EEF1E1: variants seen among roughly 807,000 people sequenced by gnomAD.
EEF1E1 encodes the protein eukaryotic translation elongation factor 1 epsilon 1, also known as eukaryotic translation elongation factor 1 epsilon-1.
In EEF1E1, 19 loss-of-function variants were observed where a neutral mutation model predicts 19.9. That is an observed-to-expected ratio of 0.95 (90% CI 0.66 to 1.40). EEF1E1 has a LOEUF of 1.40. EEF1E1 is among the 40% of genes most tolerant of loss of function. EEF1E1 has a pLI of 0.00. For missense variants in EEF1E1, 198 were observed against 202.2 expected (o/e 0.98, Z 0.13); for synonymous variants, 81 against 80.0 (o/e 1.01, Z -0.07).
Position 8,097,344 on chromosome 6 carries a change from C to T in EEF1E1, c.211G>A (p.Val71Ile), listed in dbSNP as rs143820451. 43 of 1,614,034 alleles carry T rather than the reference C, an allele frequency of 2.7e-5. No homozygotes were observed. The highest frequency in any genetic ancestry group is 6.7e-5 in the East Asian group (3 of 44,888). The change falls in exon 2 of 4, where the codon GTT (valine) becomes ATT (isoleucine). Residue 71 changes from valine (V) to isoleucine (I), a missense_variant. Transcript: ENST00000379715. ...LGSTAEEKAI[V>I]QQWLEYRVTQ... ...ACCCTGTATTCTAACCACTGCTGAA[C>T]GATTGCTTTTTCTTCTGCAGTACTC...
At chr6:8,083,040 T>G (rs1757759998) in intron 3 of EEF1E1, among the ~76,000 whole-genome samples, 1 of 152,242 alleles carries the variant, frequency 6.6e-6, no homozygotes, top group African/African-American at 2.4e-5. Flanking sequence ...TCCTGCTTCA[T>G]GTTGATCTGC....
intron 1 of EEF1E1, among the ~76,000 whole-genome samples, chr6:8,097,748 T>C (rs1004885906): frequency 6.6e-6 from 1 of 152,216 alleles, no homozygotes; most frequent in Non-Finnish European, 1.5e-5. Context: ...TTTTAAACTA[T>C]GTACAATGAG....
chr6:8,084,279 C>T (rs1173322134), intron 3 of EEF1E1, among the ~76,000 whole-genome samples: 1 of 152,136 alleles, frequency 6.6e-6, no homozygotes, highest in African/African-American at 2.4e-5. Flanking sequence ...ACACTTCTAA[C>T]CTGCCTAAAA....
intron 3 of EEF1E1, among the ~76,000 whole-genome samples, chr6:8,083,769 C>T (rs1242550432): frequency 6.6e-6 from 1 of 152,174 alleles, no homozygotes; most frequent in African/African-American, 2.4e-5. Flanking sequence ...TTAAGGAATG[C>T]ACGAGGACAA....
downstream of EEF1E1, among the ~76,000 whole-genome samples, chr6:8,075,472 GAA>G (rs34357035): frequency 6.6e-6 from 1 of 152,190 alleles, no homozygotes; most frequent in Non-Finnish European, 1.5e-5. Flanking sequence ...CCTGTCCATA[GAA>G]AAGTTACGTT....
intron 2 of EEF1E1, among the ~76,000 whole-genome samples, chr6:8,096,945 A>C (rs1439647579): frequency 6.6e-6 from 1 of 152,178 alleles, no homozygotes; most frequent in Non-Finnish European, 1.5e-5. Flanking sequence ...TCAAAAAAAC[A>C]AAAAAAGTCA....
At chr6:8,087,318 A>G (rs1757886434) in intron 3 of EEF1E1, among the ~76,000 whole-genome samples, 1 of 152,300 alleles carries the variant, frequency 6.6e-6, no homozygotes, top group South Asian at 2.1e-4. Flanking sequence ...CCTGGGTTCA[A>G]GCAATTCTCC....
intron 1 of EEF1E1, among the ~76,000 whole-genome samples, chr6:8,098,837 T>C (rs1214544282): frequency 3.9e-5 from 6 of 152,198 alleles, no homozygotes; most frequent in African/African-American, 1.4e-4. Context: ...GACTCACAAC[T>C]GCTGGGCGGA....
At chr6:8,101,787 C>T in intron 1 of EEF1E1, 4 of 1,289,422 alleles carry the variant, frequency 3.1e-6, no homozygotes, top group Non-Finnish European at 4.0e-6. Context: ...CCCGCATTCA[C>T]TGTGGGTCGT....
intron 2 of EEF1E1, among the ~76,000 whole-genome samples, chr6:8,094,204 T>C (rs1758101998): frequency 6.6e-6 from 1 of 152,234 alleles, no homozygotes; most frequent in Non-Finnish European, 1.5e-5. Context: ...CACTCTTATA[T>C]GCTATGATAC....
chr6:8,080,966 A>C (rs1757709206), intron 3 of EEF1E1, among the ~76,000 whole-genome samples: 1 of 152,256 alleles, frequency 6.6e-6, no homozygotes, highest in African/African-American at 2.4e-5. Context: ...AGCATTTAGC[A>C]CATACCTGTT....
chr6:8,093,458 A>T (rs1479557521), intron 2 of EEF1E1, among the ~76,000 whole-genome samples: 1 of 151,984 alleles, frequency 6.6e-6, no homozygotes, highest in African/African-American at 2.4e-5. Flanking sequence ...AAGTTGAAAA[A>T]GCAGTAAAAT....
At chr6:8,077,096 A>C (rs1014905382), downstream of EEF1E1, among the ~76,000 whole-genome samples, 10 of 151,958 alleles carry the variant, frequency 6.6e-5, no homozygotes, top group Admixed American at 1.3e-4. Flanking sequence ...GGCGCCCGCC[A>C]CCACACCCAG....
intron 3 of EEF1E1, among the ~76,000 whole-genome samples, chr6:8,086,430 G>A (rs1308027903): frequency 6.6e-6 from 1 of 151,910 alleles, no homozygotes; most frequent in Admixed American, 6.6e-5. Flanking sequence ...CTTTTTCAGA[G>A]GAGAAAACGA....
chr6:8,095,792 A>T (rs942729467), intron 2 of EEF1E1, among the ~76,000 whole-genome samples: 5 of 152,190 alleles, frequency 3.3e-5, no homozygotes, highest in African/African-American at 4.8e-5. Flanking sequence ...ACTGTCTTAA[A>T]ATAGCAAAAC....
rs199734021 is a variant in EEF1E1 at position 8,094,569 on chromosome 6, TAAA to T, written c.288+2695_288+2697del. Among the ~76,000 whole-genome samples, 42 of 139,518 alleles carry T rather than the reference TAAA, an allele frequency of 3.0e-4. No homozygotes were observed. The South Asian group carries it at 6.0e-3, about 20-fold the overall frequency. The allele number at this position is 139,518 out of a possible 152,430, so 91.5% of individuals were successfully genotyped here. ...CTGTGTGACAGAGCAAGACTCTATT[TAAA>T]AAAAAAAAAAAAAAATTAGGCTAAG... On this transcript the variant is annotated intron_variant, in intron 2 of 3. Transcript: ENST00000379715.
At chr6:8,073,474 G>C (rs1168582007) in exon 4 of EEF1E1, 2 of 1,551,462 alleles carry the variant, frequency 1.3e-6, no homozygotes, top group Middle Eastern at 1.7e-4. Flanking sequence ...ATGATGTTGG[G>C]TTAGTTCCCT....
chr6:8,085,369 T>C (rs1581461133), intron 3 of EEF1E1, among the ~76,000 whole-genome samples: 1 of 151,930 alleles, frequency 6.6e-6, no homozygotes, highest in Admixed American at 6.6e-5. Flanking sequence ...CCTAGGCTGG[T>C]CTTGAACTCC....
At chr6:8,076,355 G>T (rs927510121), downstream of EEF1E1, among the ~76,000 whole-genome samples, 19 of 151,944 alleles carry the variant, frequency 1.3e-4, no homozygotes, top group Admixed American at 3.3e-4. Context: ...AGGGAGTCTC[G>T]CTCCGTTGCC....
Sources: allele counts gnomAD v4.1 joint callset (sites outside exome capture counted in the v4.1 genomes callset), GRCh38; gene constraint gnomAD v4.1.1; transcripts MANE v1.5; gene names NCBI Gene and HGNC (gene_info 2026-07-23, HGNC 2026-07-21).